The following RNF17 variants were observed in gnomAD, a reference collection of about 807,000 sequenced individuals.
The protein encoded by RNF17 is ring finger protein 17.
Under a neutral mutation model 200.5 loss-of-function variants are expected in RNF17, and 31 were observed. The ratio of observed to expected loss-of-function variants is 0.15; its 90% CI spans 0.12 to 0.21. The LOEUF (loss-of-function observed/expected upper bound fraction) is 0.21, where lower values mean the gene tolerates loss of function less well. Ranked by LOEUF, RNF17 falls within the 10% of genes least tolerant of loss-of-function variation. The pLI is 1.00. For missense variants in RNF17, 1,628 were observed against 1,905.1 expected (o/e 0.85, Z 2.71); for synonymous variants, 606 against 637.8 (o/e 0.95, Z 0.75).
intron 4 of RNF17, among the ~76,000 whole-genome samples, chr13:24,779,343 T>C (rs887976153): frequency 1.3e-5 from 2 of 152,224 alleles, no homozygotes; most frequent in African/African-American, 4.8e-5. Flanking sequence ...AATTTTTATA[T>C]GTATACATGT....
upstream of RNF17, chr13:24,764,114 T>G (rs1328024479): frequency 1.3e-5 from 16 of 1,276,388 alleles, no homozygotes; most frequent in Admixed American, 2.1e-4. Context: ...TGTTTGGCTA[T>G]CTGCAGGGGC....
At chr13:24,752,760 C>T in the RNF17 span, among the ~76,000 whole-genome samples, 6 of 152,220 alleles carry the variant, frequency 3.9e-5, no homozygotes, top group African/African-American at 1.4e-4. Flanking sequence ...TCTTAACAGG[C>T]CAGGGATGAT....
intron 15 of RNF17, among the ~76,000 whole-genome samples, chr13:24,812,685 T>TCC (rs1566168457): frequency 0.056 from 2,435 of 43,412 alleles, 261 homozygotes; most frequent in African/African-American, 0.15. Context: ...CCCCACCCCC[T>TCC]TTTTTTTTTT....
At chr13:24,844,366 A>G (rs1007382449) in intron 20 of RNF17, among the ~76,000 whole-genome samples, 5 of 152,158 alleles carry the variant, frequency 3.3e-5, no homozygotes, top group Non-Finnish European at 7.3e-5. Flanking sequence ...GGAGGAAGGC[A>G]CTTTTAGGAT....
At position 24,845,092 on chromosome 13, in the gene RNF17, T is replaced by A; in HGVS notation, c.3101+13T>A. 1 of 1,196,708 alleles carries A rather than the reference T, an allele frequency of 8.4e-7. No homozygotes were observed. The highest frequency in any genetic ancestry group is 1.2e-6 in the Non-Finnish European group (1 of 817,112). 74.1% of individuals were successfully genotyped at this position (1,196,708 alleles called of 1,614,324 possible). A position where few individuals can be genotyped will look rare whatever the true frequency, so the allele number is the denominator to read the frequency against. On this transcript the variant is annotated intron_variant, in intron 22 of 35. Coordinates refer to ENST00000255324, the MANE Select transcript of RNF17 (RefSeq NM_031277.3). ...TGGTTGACATAAGGTAGTTTTTAGC[T>A]GAGTAATTTTCTCATTATTTTAAAT... is the stretch of plus-strand genomic sequence containing the variant.
intron 18 of RNF17, among the ~76,000 whole-genome samples, chr13:24,832,858 C>T (rs1173407539): frequency 1.3e-5 from 2 of 152,162 alleles, no homozygotes; most frequent in Non-Finnish European, 2.9e-5. Flanking sequence ...ATCTTCCTGC[C>T]TTAGCCTACC....
intron 26 of RNF17, among the ~76,000 whole-genome samples, 194 bp downstream of exon 26, chr13:24,859,358 G>A (rs1356271635): frequency 2.6e-5 from 4 of 151,994 alleles, no homozygotes; most frequent in African/African-American, 9.7e-5. Flanking sequence ...ACCTGAATAA[G>A]CAAAAAATAG....
rs2121253 is a variant in RNF17 at position 24,825,614 on chromosome 13, A to G, written c.2092-5A>G. On this transcript the variant is annotated splice_polypyrimidine_tract_variant and splice_region_variant and intron_variant, in intron 15 of 35. Transcript: ENST00000255324. ...ATGACAGTGCTTTATCCCTTTATTTACTAGATAGAGGGCCTGGATATTTTA... is the reference window on the plus strand; with the variant it reads ...ATGACAGTGCTTTATCCCTTTATTTGCTAGATAGAGGGCCTGGATATTTTA... 1,343,110 of 1,563,568 alleles carry G rather than the reference A, an allele frequency of 0.86. 577,535 individuals carry two copies. Among genetic ancestry groups the G allele is most frequent in the Middle Eastern group, 0.94 (5,596 of 5,934 alleles).
upstream of RNF17, among the ~76,000 whole-genome samples, chr13:24,763,370 T>TTA (rs1879015479): frequency 6.7e-5 from 1 of 14,866 alleles, no homozygotes; most frequent in East Asian, 3.1e-3. Context: ...GTCCGGCTAA[T>TTA]TTTTTTTTTT....
chr13:24,860,206 G>A (rs1366755840), intron 26 of RNF17, among the ~76,000 whole-genome samples: 1 of 151,630 alleles, frequency 6.6e-6, no homozygotes, highest in African/African-American at 2.4e-5. Context: ...CTTTACAAAG[G>A]TAAAATGAAA....
chr13:24,788,105 A>G lies in RNF17; in HGVS notation c.729A>G (p.Ile243Met). 1.3e-6 allele frequency: 2 copies of G among 1,597,152 alleles called. No individual in the cohort carries two copies. The highest frequency in any genetic ancestry group is 2.3e-5 in the South Asian group (2 of 87,020). ...ATAATTTGAATGCAGCTATGAACAT[A>G]GCAAGAGCATTACAATTATCGCCTT... ...KKNNLNAAMN[I>M]ARALQLSPSL... The change falls in exon 7 of 36, where the codon ATA becomes ATG. Residue 243 changes from isoleucine (I) to methionine (M), a missense_variant. Physicochemically the swap from Ile to Met is conservative, Grantham distance 10. This residue lies in a region of RNF17 where 502 missense variants were observed against 501.7 expected (regional missense o/e 1.00). Transcript: ENST00000255324.
chr13:24,811,756 T>TC (rs1305630555), intron 15 of RNF17, among the ~76,000 whole-genome samples: 3 of 152,056 alleles, frequency 2.0e-5, no homozygotes, highest in Non-Finnish European at 4.4e-5. Flanking sequence ...CTCTGTTTTT[T>TC]CCCCATCTTT....
At chr13:24,839,839 A>C (rs1593396160) in intron 18 of RNF17, among the ~76,000 whole-genome samples, 1 of 152,238 alleles carries the variant, frequency 6.6e-6, no homozygotes, top group African/African-American at 2.4e-5. Flanking sequence ...TTTCATGACC[A>C]AGAACCCAAA....
chr13:24,873,682 C>T (rs1302105636), intron 32 of RNF17, among the ~76,000 whole-genome samples: 4 of 152,156 alleles, frequency 2.6e-5, no homozygotes, highest in Non-Finnish European at 4.4e-5. Context: ...TATCAACCAA[C>T]CTCTCTTCAT....
intron 18 of RNF17, among the ~76,000 whole-genome samples, chr13:24,839,810 A>G (rs749828336): frequency 6.6e-6 from 1 of 152,248 alleles, no homozygotes; most frequent in Non-Finnish European, 1.5e-5. Flanking sequence ...ACCTTTCTAG[A>G]CATTGGCTTA....
At chr13:24,826,238 A>G (rs556114942) in intron 16 of RNF17, 9 of 261,904 alleles carry the variant, frequency 3.4e-5, no homozygotes, top group African/African-American at 9.2e-5. Context: ...TCCTTAAGTA[A>G]TTGATTCAAC....
rs1201703907 is a variant in RNF17, at chr13:24,862,740, A to G, written c.3922A>G (p.Ile1308Val). The change falls in exon 28 of 36, where the codon ATA becomes GTA. Residue 1308 changes from isoleucine to valine, a missense_variant. Ile to Val is a conservative substitution (Grantham distance 29, BLOSUM62 3). Around this residue, in one of 5 missense-constraint regions of RNF17, gnomAD observed 609 missense variants for 681.9 expected, o/e 0.89. Transcript: ENST00000255324. ...TGGGAATGTCTGGCAACCAGATGCA[A>G]TAGAAGTTCTTCAACAACTGCTTTC... ...PVGNVWQPDA[I>V]EVLQQLLSKR... 6.2e-7 allele frequency: 1 copy of G among 1,609,450 alleles called. No individual in the cohort carries two copies. Among genetic ancestry groups the G allele is most frequent in the East Asian group, 2.2e-5 (1 of 44,762 alleles).
chr13:24,788,733 G>A (rs1883451925), intron 7 of RNF17, among the ~76,000 whole-genome samples: 1 of 152,120 alleles, frequency 6.6e-6, no homozygotes, highest in Admixed American at 6.6e-5. Flanking sequence ...TACTTTGACA[G>A]GACAAGATTA....
intron 29 of RNF17, among the ~76,000 whole-genome samples, chr13:24,865,882 C>T (rs1223445095): frequency 1.3e-5 from 2 of 152,038 alleles, no homozygotes; most frequent in African/African-American, 4.8e-5. Flanking sequence ...TCACTGTGAA[C>T]ATTTTAAAGG....
Sources: gnomAD v4.1 joint callset for allele counts (sites outside exome capture counted in the v4.1 genomes callset) on GRCh38, gnomAD v4.1.1 for gene constraint, gnomAD v4.1.1 regional missense constraint, MANE v1.5 for transcripts, NCBI Gene and HGNC (gene_info 2026-07-23, HGNC 2026-07-21) for gene names.